The following MAPT variants were observed in gnomAD, a reference collection of about 807,000 sequenced individuals.
MAPT encodes microtubule associated protein tau.
MAPT carries 34 observed loss-of-function variants against 67.9 expected under a neutral mutation model. The ratio of observed to expected loss-of-function variants is 0.50; its 90% CI spans 0.38 to 0.67. The LOEUF is 0.67. Ranked by LOEUF, MAPT falls within the 30% of genes least tolerant of loss-of-function variation. The pLI, the probability that MAPT is intolerant of heterozygous loss-of-function variation, is 0.00. For synonymous variants in MAPT, 456 were observed against 464.5 expected (o/e 0.98, Z 0.23); for missense variants, 881 against 1,115.2 (o/e 0.79, Z 2.99).
intron 9 of MAPT, chr17:45,999,281 T>G (rs756936873): frequency 2.5e-5 from 41 of 1,612,638 alleles, no homozygotes; most frequent in Non-Finnish European, 2.8e-5. Flanking sequence ...GTCTGGGCCA[T>G]GAGTGAGGGT....
chr17:45,916,281 G>A (rs567194476), intron 1 of MAPT, among the ~76,000 whole-genome samples: 42 of 152,372 alleles, frequency 2.8e-4, no homozygotes, highest in Non-Finnish European at 4.7e-4. Context: ...TAATGACTGC[G>A]CTGTTGCGTG....
At chr17:45,953,481 A>C (rs2069294823) in intron 1 of MAPT, among the ~76,000 whole-genome samples, 1 of 152,218 alleles carries the variant, frequency 6.6e-6, no homozygotes, top group African/African-American at 2.4e-5. Flanking sequence ...ATCAGGGTGG[A>C]GGCTGAGCCT....
chr17:46,021,864 TC>T (rs900708465), intron 12 of MAPT, among the ~76,000 whole-genome samples: 1 of 152,100 alleles, frequency 6.6e-6, no homozygotes, highest in Non-Finnish European at 1.5e-5. Context: ...GTCCTGGGGA[TC>T]CCCGCAGCAT....
chr17:46,017,478 A>G (rs1598404749), intron 11 of MAPT, among the ~76,000 whole-genome samples: 4 of 45,094 alleles, frequency 8.9e-5, no homozygotes, highest in East Asian at 3.8e-4. Flanking sequence ...TTTGAGATGG[A>G]GTTGTACTCT....
At chr17:45,992,605 G>A (rs1396628639) in intron 8 of MAPT, among the ~76,000 whole-genome samples, 3 of 152,028 alleles carry the variant, frequency 2.0e-5, no homozygotes, top group African/African-American at 7.2e-5. Context: ...AAGAACAGTC[G>A]CGGCTGGGCG....
intron 9 of MAPT, among the ~76,000 whole-genome samples, chr17:46,007,310 C>T (rs62064669): frequency 0.14 from 21,780 of 151,722 alleles, 2,130 homozygotes; most frequent in Middle Eastern, 0.22. Flanking sequence ...CATAGCGAGA[C>T]CCCATCATCA....
intron 1 of MAPT, among the ~76,000 whole-genome samples, chr17:45,904,582 C>G (rs1201618899): frequency 6.7e-5 from 10 of 149,952 alleles, no homozygotes; most frequent in African/African-American, 2.5e-4. Flanking sequence ...GCCCTAGCTA[C>G]TTGGGAGGCC....
chr17:46,022,081 A>G (rs190736925), intron 12 of MAPT, among the ~76,000 whole-genome samples: 33 of 152,334 alleles, frequency 2.2e-4, no homozygotes, highest in African/African-American at 7.7e-4. Flanking sequence ...CAGGTCAGGC[A>G]TGGTGGCTCA....
chr17:45,936,462 C>T (rs2067337656), intron 1 of MAPT, among the ~76,000 whole-genome samples: 1 of 152,256 alleles, frequency 6.6e-6, no homozygotes, highest in African/African-American at 2.4e-5. Context: ...AGCACAGCAT[C>T]AATAATGCAT....
intron 1 of MAPT, among the ~76,000 whole-genome samples, chr17:45,960,837 G>A (rs2070318270): frequency 2.4e-5 from 1 of 42,192 alleles, no homozygotes; most frequent in Admixed American, 3.5e-4. Flanking sequence ...TTATTCACAG[G>A]GGCCAAAAAA....
chr17:46,015,926 G>A (rs73317037), intron 11 of MAPT, among the ~76,000 whole-genome samples: 13,195 of 152,076 alleles, frequency 0.087, 1,757 homozygotes, highest in African/African-American at 0.29. Flanking sequence ...CCCCTAACCC[G>A]TTGTTCTCCC....
intron 12 of MAPT, among the ~76,000 whole-genome samples, chr17:46,019,175 T>A (rs62062287): frequency 1.1e-3 from 170 of 152,130 alleles, no homozygotes; most frequent in Middle Eastern, 3.4e-3. Flanking sequence ...GCAAAGGCAT[T>A]TCTTACATGG....
chr17:45,941,655 C>A (rs2067902310), intron 1 of MAPT, among the ~76,000 whole-genome samples: 1 of 109,378 alleles, frequency 9.1e-6, no homozygotes, highest in Non-Finnish European at 1.8e-5. Flanking sequence ...TCCCCCCTTC[C>A]ACCCTTCCCC....
At chr17:45,929,926 G>C (rs1052982582) in intron 1 of MAPT, among the ~76,000 whole-genome samples, 1 of 152,132 alleles carries the variant, frequency 6.6e-6, no homozygotes. Flanking sequence ...CAGATAATGG[G>C]TATCCAGTTC....
chr17:46,023,924 A>G, intron 12 of MAPT, 32 bp from the exon 13 acceptor site: 3 of 1,594,284 alleles, frequency 1.9e-6, no homozygotes, highest in South Asian at 2.2e-5. Context: ...CTGGCACTTC[A>G]TCTCACCCTC....
At chr17:45,914,723 CTT>C (rs72448143) in intron 1 of MAPT, among the ~76,000 whole-genome samples, 65 of 142,560 alleles carry the variant, frequency 4.6e-4, no homozygotes, top group Non-Finnish European at 5.7e-4. Context: ...TACTTTTTAC[CTT>C]TTTTTTTTTT....
chr17:45,970,916 A>G (rs1453303271), intron 2 of MAPT, among the ~76,000 whole-genome samples: 2 of 152,184 alleles, frequency 1.3e-5, no homozygotes, highest in South Asian at 2.1e-4. Context: ...CACAGGCTGT[A>G]TCTTCTGAGC....
At chr17:45,942,665 G>A (rs2068104518) in intron 1 of MAPT, among the ~76,000 whole-genome samples, 1 of 152,214 alleles carries the variant, frequency 6.6e-6, no homozygotes, top group Non-Finnish European at 1.5e-5. Flanking sequence ...AGAATGGGGT[G>A]GGGCCCTTTG....
chr17:46,017,203 C>A (rs2076236720), intron 11 of MAPT, among the ~76,000 whole-genome samples: 1 of 152,240 alleles, frequency 6.6e-6, no homozygotes, highest in South Asian at 2.1e-4. Context: ...CTGGAAAGTC[C>A]TGTGGGCTGT....
Sources: allele counts gnomAD v4.1 joint callset (sites outside exome capture counted in the v4.1 genomes callset), GRCh38; gene constraint gnomAD v4.1.1; transcripts MANE v1.5; gene names NCBI Gene and HGNC (gene_info 2026-07-23, HGNC 2026-07-21).